The following SCEL variants were observed in gnomAD, a reference collection of about 807,000 sequenced individuals.
SCEL encodes sciellin.
Under a neutral mutation model 117.6 loss-of-function variants are expected in SCEL, and 113 were observed. The ratio of observed to expected loss-of-function variants is 0.96; its 90% CI spans 0.83 to 1.12. The LOEUF is 1.12. Ranked by LOEUF, SCEL falls within the 50% of genes most tolerant of loss-of-function variation. The probability of loss-of-function intolerance (pLI) is 0.00; values close to 1 mark genes in which losing one functional copy is unlikely to be tolerated. For synonymous variants in SCEL, 270 were observed against 256.2 expected, an observed-to-expected ratio of 1.05 and a Z score of -0.51; for missense variants, 785 against 810.8, an observed-to-expected ratio of 0.97 and a Z score of 0.39.
At chr13:77,556,859 C>A (rs2084689558) in intron 3 of SCEL, 146 bp downstream of exon 3, 16 of 637,258 alleles carry the variant, frequency 2.5e-5, no homozygotes, top group Middle Eastern at 4.4e-4. Context: ...ACTTAGTAAG[C>A]ACAAATAGGT....
chr13:77,599,768 G>A lies in SCEL; in HGVS notation c.917+20G>A. On this transcript the variant is annotated intron_variant, in intron 15 of 32. Coordinates refer to ENST00000349847, the MANE Select transcript of SCEL (RefSeq NM_144777.3). ...CAAAGGGTAAGATTTTATTAAGACA[G>A]ACCATTTTGATTGAGTCCCAGATGG... 1 of 1,557,828 alleles carries A rather than the reference G, an allele frequency of 6.4e-7. No individual in the cohort carries two copies. Among genetic ancestry groups the A allele is most frequent in the African/African-American group, 1.4e-5 (1 of 73,804 alleles).
intron 4 of SCEL, among the ~76,000 whole-genome samples, chr13:77,561,760 T>C (rs1330360719): frequency 6.6e-6 from 1 of 152,190 alleles, no homozygotes; most frequent in Non-Finnish European, 1.5e-5. Flanking sequence ...GAGGGGAGAC[T>C]AACTCTGCCT....
At chr13:77,614,079 AC>A (rs2088861210) in intron 24 of SCEL, 124 bp downstream of exon 24, 1 of 801,814 alleles carries the variant, frequency 1.2e-6, no homozygotes, top group African/African-American at 1.8e-5. Flanking sequence ...ACAGGTGGAA[AC>A]CTAGATGTCT....
At chr13:77,629,116 T>C (rs2089913178) in intron 28 of SCEL, among the ~76,000 whole-genome samples, 1 of 152,200 alleles carries the variant, frequency 6.6e-6, no homozygotes, top group East Asian at 1.9e-4. Flanking sequence ...GACTTGTTCA[T>C]GAAATGGGAT....
chr13:77,579,374 G>C (rs2086139039), intron 9 of SCEL, among the ~76,000 whole-genome samples: 1 of 152,164 alleles, frequency 6.6e-6, no homozygotes, highest in Non-Finnish European at 1.5e-5. Flanking sequence ...TTGATTGATA[G>C]ATTGATTTTA....
At chr13:77,621,794 G>T (rs1214463571) in intron 27 of SCEL, among the ~76,000 whole-genome samples, 2 of 152,170 alleles carry the variant, frequency 1.3e-5, no homozygotes, top group East Asian at 1.9e-4. Context: ...AAGATGAAAA[G>T]AATCAGATTT....
intron 9 of SCEL, among the ~76,000 whole-genome samples, chr13:77,584,344 G>C (rs1368126066): frequency 6.6e-6 from 1 of 152,162 alleles, no homozygotes. Flanking sequence ...GCAAATGAAA[G>C]CTCCTTTGAG....
At chr13:77,586,032 T>C (rs2086546217) in intron 9 of SCEL, among the ~76,000 whole-genome samples, 1 of 152,200 alleles carries the variant, frequency 6.6e-6, no homozygotes, top group Middle Eastern at 3.4e-3. Flanking sequence ...AAACTCTCCA[T>C]CTCCTTTGAA....
chr13:77,556,834 C>A (rs1398863544), intron 3 of SCEL, 121 bp downstream of exon 3: 2 of 725,900 alleles, frequency 2.8e-6, no homozygotes, highest in Non-Finnish European at 4.8e-6. Context: ...GTTGCATGGT[C>A]TAATTTTTGG....
Position 77,618,021 on chromosome 13 carries a change from T to A in SCEL, c.1589T>A (p.Leu530His). ...RNNQSQDLDN[L>H]IKVKPSALRN... is the part of the protein sequence containing the mutation. ...TTAAACAGCCAAGACTTGGACAATC[T>A]TATTAAAGTGAAACCTTCAGCTCTT... Residue 530 changes from leucine to histidine, a missense_variant, in exon 27 of 33, where the codon CTT becomes CAT. Coordinates refer to ENST00000349847, the MANE Select transcript of SCEL (RefSeq NM_144777.3). 1 of 1,613,382 alleles carries A rather than the reference T, an allele frequency of 6.2e-7. No individual in the cohort carries two copies. Among genetic ancestry groups the A allele is most frequent in the Non-Finnish European group, 8.5e-7 (1 of 1,179,346 alleles).
At chr13:77,585,533 T>G (rs980386979) in intron 9 of SCEL, among the ~76,000 whole-genome samples, 2 of 152,120 alleles carry the variant, frequency 1.3e-5, no homozygotes, top group African/African-American at 4.8e-5. Flanking sequence ...TGCGCGCTCT[T>G]CTGGCTTCAA....
At position 77,593,558 on chromosome 13, in the gene SCEL, A is replaced by G; in HGVS notation, c.737A>G (p.Gln246Arg). Residue 246 changes from glutamine to arginine, a missense_variant, in exon 12 of 33, where the codon CAG becomes CGG. Transcript: ENST00000349847. ...ATCGTCAAAGTGGCCACTTCACTTCAGAGAAGTGACAAAGGGTGAGATCTC... is the reference window on the plus strand; with the variant it reads ...ATCGTCAAAGTGGCCACTTCACTTCGGAGAAGTGACAAAGGGTGAGATCTC... Reference protein sequence around the residue: ...DNIVKVATSLQRSDKGEELDN... With the variant: ...DNIVKVATSLRRSDKGEELDN... The G allele has an allele frequency of 6.2e-7, 1 of 1,612,786 alleles. No homozygotes were observed. The highest frequency in any genetic ancestry group is 8.5e-7 in the Non-Finnish European group (1 of 1,179,036).
At chr13:77,625,934 G>A (rs2089708764) in intron 27 of SCEL, among the ~76,000 whole-genome samples, 1 of 152,088 alleles carries the variant, frequency 6.6e-6, no homozygotes, top group Non-Finnish European at 1.5e-5. Flanking sequence ...CTCAAAATGT[G>A]GAATCAATAG....
intron 7 of SCEL, 99 bp downstream of exon 7, chr13:77,568,432 C>T (rs1410602012): frequency 1.5e-6 from 1 of 677,928 alleles, no homozygotes; most frequent in Non-Finnish European, 2.5e-6. Flanking sequence ...ACAGCCATGC[C>T]CCTATTGCTC....
At chr13:77,622,776 T>G (rs1410039272) in intron 27 of SCEL, among the ~76,000 whole-genome samples, 2 of 152,034 alleles carry the variant, frequency 1.3e-5, no homozygotes, top group African/African-American at 4.8e-5. Flanking sequence ...ACGGGAAGAT[T>G]GCTTGAGTCC....
intron 9 of SCEL, among the ~76,000 whole-genome samples, chr13:77,588,139 A>G (rs2086665343): frequency 6.6e-6 from 1 of 152,186 alleles, no homozygotes; most frequent in Non-Finnish European, 1.5e-5. Context: ...AAAGCCTTTG[A>G]GAACAAGGAC....
chr13:77,572,081 G>A (rs773787115), intron 8 of SCEL, 43 bp from the exon 9 acceptor site: 7 of 1,524,124 alleles, frequency 4.6e-6, no homozygotes, highest in Non-Finnish European at 6.4e-6. Context: ...GGTGGGATCA[G>A]CCTTTCAATC....
chr13:77,593,593 G>A lies in SCEL; in HGVS notation c.752+20G>A. The A allele has an allele frequency of 6.2e-7, 1 of 1,603,658 alleles. No individual in the cohort carries two copies. The highest frequency in any genetic ancestry group is 8.5e-7 in the Non-Finnish European group (1 of 1,172,098). Reference sequence around the variant, plus strand: ...CAAAGGGTGAGATCTCAGAGCTTTTGAGCTTGGGTTTTATCTTCCCTGGTG... The same window carrying A: ...CAAAGGGTGAGATCTCAGAGCTTTTAAGCTTGGGTTTTATCTTCCCTGGTG... On this transcript the variant is annotated intron_variant, in intron 12 of 32. Coordinates refer to ENST00000349847, the MANE Select transcript of SCEL (RefSeq NM_144777.3).
chr13:77,602,605 G>A (rs1448238267), intron 16 of SCEL, 49 bp from the exon 17 acceptor site: 1 of 1,514,592 alleles, frequency 6.6e-7, no homozygotes, highest in East Asian at 2.3e-5. Context: ...AGATTTCAGA[G>A]AAAATTGTAC....
Sources: gnomAD v4.1 joint callset for allele counts (sites outside exome capture counted in the v4.1 genomes callset) on GRCh38, gnomAD v4.1.1 for gene constraint, MANE v1.5 for transcripts, NCBI Gene and HGNC (gene_info 2026-07-23, HGNC 2026-07-21) for gene names.